Variants in ALDOB observed in about 807,000 individuals in gnomAD.
ALDOB encodes fructose-bisphosphate aldolase B.
Under a neutral mutation model 41.0 loss-of-function variants are expected in ALDOB, and 39 were observed. The ratio of observed to expected loss-of-function variants is 0.95; its 90% CI spans 0.74 to 1.24. The LOEUF (loss-of-function observed/expected upper bound fraction) is 1.24. ALDOB is among the 50% of genes most tolerant of loss of function. The probability of loss-of-function intolerance (pLI) is 0.00; values close to 1 mark genes in which losing one functional copy is unlikely to be tolerated. For synonymous variants in ALDOB, 175 were observed against 168.8 expected, an observed-to-expected ratio of 1.04 and a Z score of -0.28; for missense variants, 530 against 457.3, an observed-to-expected ratio of 1.16 and a Z score of -1.45.
chr9:101,430,972 G>T, intron 1 of ALDOB, 75 bp from the exon 2 acceptor site: 1 of 999,658 alleles, frequency 1.0e-6, no homozygotes, highest in Non-Finnish European at 1.6e-6. Context: ...GACAGTTGGG[G>T]GTGCAGACAT....
intron 6 of ALDOB, among the ~76,000 whole-genome samples, 181 bp from the exon 7 acceptor site, chr9:101,425,808 C>G (rs1831120006): frequency 6.6e-6 from 1 of 152,164 alleles, no homozygotes. Context: ...AGCCACTGAG[C>G]ACAACTAAAC....
At chr9:101,428,195 A>T (rs1188497818) in intron 4 of ALDOB, among the ~76,000 whole-genome samples, 3 of 152,170 alleles carry the variant, frequency 2.0e-5, no homozygotes, top group East Asian at 3.8e-4. Context: ...TGTCCAAGGT[A>T]CTGTGGTAAG....
intron 6 of ALDOB, 88 bp from the exon 7 acceptor site, chr9:101,425,715 G>A: frequency 7.2e-7 from 1 of 1,398,350 alleles, no homozygotes; most frequent in Non-Finnish European, 1.0e-6. Flanking sequence ...AGGGAGGCAG[G>A]ATGAAGGAAT....
chr9:101,432,741 C>T (rs1831239092), intron 1 of ALDOB, among the ~76,000 whole-genome samples: 2 of 152,028 alleles, frequency 1.3e-5, no homozygotes, highest in Non-Finnish European at 2.9e-5. Flanking sequence ...ATTATTTATC[C>T]AAGGACAAAT....
rs767969732 is a variant in ALDOB at position 101,429,735 on chromosome 9, G to C, written c.324+20C>G. On this transcript the variant is annotated intron_variant, in intron 3 of 8. Transcript: ENST00000647789. ...TTGCCTAGGACAAAGCAGAAGTGAGGTGTGAATGGAGGTGTTCACCTTGAT... is the reference window on the plus strand; with the variant it reads ...TTGCCTAGGACAAAGCAGAAGTGAGCTGTGAATGGAGGTGTTCACCTTGAT... 2 of 1,610,546 alleles carry C rather than the reference G, an allele frequency of 1.2e-6. No homozygotes were observed. Among genetic ancestry groups the C allele is most frequent in the African/African-American group, 1.3e-5 (1 of 74,936 alleles).
chr9:101,433,838 T>C (rs1349821221), intron 1 of ALDOB, among the ~76,000 whole-genome samples: 1 of 152,126 alleles, frequency 6.6e-6, no homozygotes, highest in Non-Finnish European at 1.5e-5. Flanking sequence ...GGCACAATCA[T>C]GACTCACTGA....
At position 101,429,880 on chromosome 9, in the gene ALDOB, CCA is replaced by C; in HGVS notation, c.197_198del (p.Val66GlyfsTer63). 6.2e-7 allele frequency: 1 copy of C among 1,614,080 alleles called. No homozygotes were observed. Among genetic ancestry groups the C allele is most frequent in the African/African-American group, 1.3e-5 (1 of 74,994 alleles). On this transcript the variant is annotated frameshift_variant, in exon 3 of 9. Coordinates refer to ENST00000647789, the MANE Select transcript of ALDOB (RefSeq NM_000035.4). LOFTEE classifies it high-confidence loss of function. ...RRQFREILFS[V>X]DSSINQSIGG... ...CCGATGCTCTGGTTGATGGAACTGT[CCA>C]CAGAGAAGAGGATTTCTCGGAACTG... is the stretch of plus-strand genomic sequence containing the variant.
chr9:101,430,462 T>A (rs558271417), intron 2 of ALDOB, among the ~76,000 whole-genome samples: 85 of 152,312 alleles, frequency 5.6e-4, no homozygotes, highest in African/African-American at 2.0e-3. Context: ...AAACTGACTT[T>A]AAACTGACTT....
Position 101,421,712 on chromosome 9 carries a change from A to T in ALDOB, c.*97T>A, listed in dbSNP as rs1342262318. The stretch of plus-strand genomic sequence containing the variant: ...CATGTGTTGTATTTCCAGCAGTTCA[A>T]ATCTAATTGTGTCGAATTTCCAGGA... On this transcript the variant is annotated 3_prime_UTR_variant, in exon 9 of 9. Transcript: ENST00000647789. 2.1e-6 allele frequency: 2 copies of T among 940,026 alleles called. No homozygotes were observed. Among genetic ancestry groups the T allele is most frequent in the Non-Finnish European group, 3.5e-6 (2 of 578,252 alleles). The allele number at this position is 940,026 out of a possible 1,614,324, so 58.2% of individuals were successfully genotyped here.
intron 1 of ALDOB, among the ~76,000 whole-genome samples, chr9:101,431,358 A>G (rs979305435): frequency 5.3e-5 from 8 of 152,328 alleles, no homozygotes; most frequent in Admixed American, 1.3e-4. Flanking sequence ...CCAACAGATT[A>G]TTCTCCAGGA....
intron 1 of ALDOB, among the ~76,000 whole-genome samples, chr9:101,433,969 G>T (rs538360380): frequency 2.0e-4 from 30 of 151,690 alleles, no homozygotes; most frequent in African/African-American, 7.3e-4. Context: ...ACAAAGTCTT[G>T]CTATGTTGCC....
intron 5 of ALDOB, among the ~76,000 whole-genome samples, chr9:101,427,147 A>C (rs1486770396): frequency 6.6e-6 from 1 of 152,194 alleles, no homozygotes; most frequent in African/African-American, 2.4e-5. Flanking sequence ...CTAGGAATCT[A>C]AGAGGATCAT....
rs76734656 is a variant in ALDOB at position 101,426,911 on chromosome 9, G to T, written c.541-273C>A. Among the ~76,000 whole-genome samples, 1,087 of 152,290 alleles carry T rather than the reference G, an allele frequency of 7.1e-3. 12 individuals are homozygous for T. Among genetic ancestry groups the T allele is most frequent in the African/African-American group, 0.024 (1,012 of 41,566 alleles). ...CTAAGCATAAATCATTAAGAAAGAT[G>T]TCTCTAAGTTGGGTTAATGAAGAAA... On this transcript the variant is annotated intron_variant, in intron 5 of 8. Coordinates refer to ENST00000647789, the MANE Select transcript of ALDOB (RefSeq NM_000035.4).
chr9:101,427,855 A>G (rs1831154644), intron 4 of ALDOB, among the ~76,000 whole-genome samples: 1 of 152,210 alleles, frequency 6.6e-6, no homozygotes, highest in Non-Finnish European at 1.5e-5. Context: ...TATCTACTCC[A>G]TATATAGAAT....
chr9:101,434,953 T>C (rs559601217), intron 1 of ALDOB, among the ~76,000 whole-genome samples: 24 of 152,210 alleles, frequency 1.6e-4, no homozygotes, highest in South Asian at 2.1e-4. Context: ...AAGTTATTTT[T>C]TAAAAAGGCA....
At chr9:101,425,664 G>T in intron 6 of ALDOB, 37 bp from the exon 7 acceptor site, 1 of 1,610,048 alleles carries the variant, frequency 6.2e-7, no homozygotes, top group Non-Finnish European at 8.5e-7. Context: ...GAAACTCAAA[G>T]CTAGTCATAG....
Position 101,430,776 on chromosome 9 carries a change from C to G in ALDOB, c.112G>C (p.Gly38Arg). The G allele has an allele frequency of 1.9e-6, 3 of 1,609,246 alleles. No individual in the cohort carries two copies. The highest frequency in any genetic ancestry group is 2.6e-6 in the Non-Finnish European group (3 of 1,175,498). ...KGILAADESV[G>R]TMGNRLQRIK... is the part of the protein sequence containing the mutation. ...TGATGAGACTGCTTTTTACACTCAC[C>G]TACAGATTCATCTGCAGCCAGGATC... The change falls in exon 2 of 9, where the codon GGT becomes CGT. Residue 38 changes from glycine to arginine, a missense_variant and splice_region_variant. By Grantham distance (125) the Gly-to-Arg change is moderately radical. Coordinates refer to ENST00000647789, the MANE Select transcript of ALDOB (RefSeq NM_000035.4).
chr9:101,434,614 A>G (rs543141530), intron 1 of ALDOB, among the ~76,000 whole-genome samples: 3 of 152,196 alleles, frequency 2.0e-5, no homozygotes, highest in Non-Finnish European at 4.4e-5. Flanking sequence ...CAATAGCTTC[A>G]TTATCCACCC....
intron 3 of ALDOB, 49 bp from the exon 4 acceptor site, chr9:101,428,572 C>T: frequency 6.8e-7 from 1 of 1,465,140 alleles, no homozygotes. Context: ...AAAACACAAG[C>T]AGAACTCTTG....
Sources: gnomAD v4.1 joint callset for allele counts (sites outside exome capture counted in the v4.1 genomes callset) on GRCh38, gnomAD v4.1.1 for gene constraint, MANE v1.5 for transcripts, NCBI Gene and HGNC (gene_info 2026-07-23, HGNC 2026-07-21) for gene names.